Variants in KIAA1671 observed in about 807,000 individuals in gnomAD.
KIAA1671 encodes uncharacterized protein KIAA1671.
A neutral mutation model predicts 131.2 loss-of-function variants in KIAA1671; 52 were observed. The ratio of observed to expected loss-of-function variants is 0.40; its 90% confidence interval spans 0.32 to 0.50. KIAA1671 has a LOEUF of 0.50. Among genes scored for constraint, KIAA1671 ranks in the 20% least tolerant of loss-of-function variants. The pLI is 0.73. For synonymous variants in KIAA1671, 1,003 were observed against 961.6 expected (o/e 1.04, Z -0.80); for missense variants, 2,360 against 2,364.2 (o/e 1.00, Z 0.04).
rs560360143 is a variant in KIAA1671, at chr22:25,153,443, G to T, written c.4531-17377G>T. Among the ~76,000 whole-genome samples, 8 of 152,338 alleles carry T rather than the reference G, an allele frequency of 5.3e-5. No homozygotes were observed. The South Asian group carries it at 1.7e-3, about 32-fold the overall frequency. On this transcript the variant is annotated intron_variant, in intron 6 of 12. Coordinates refer to ENST00000358431, the MANE Select transcript of KIAA1671 (RefSeq NM_001145206.2). ...ACGGCCCCCACCACATGTCCGTAGT[G>T]CCATGGTTGGGAAACCCCATCCTAG...
At chr22:24,989,600 A>G (rs1569199799) in intron 1 of KIAA1671, among the ~76,000 whole-genome samples, 1 of 152,098 alleles carries the variant, frequency 6.6e-6, no homozygotes, top group Non-Finnish European at 1.5e-5. Flanking sequence ...GTCAGGGCTC[A>G]GGGGGGATGC....
chr22:24,990,404 G>C (rs1020956990), intron 1 of KIAA1671, among the ~76,000 whole-genome samples: 1 of 152,126 alleles, frequency 6.6e-6, no homozygotes, highest in African/African-American at 2.4e-5. Context: ...TTACTGTCAT[G>C]TGTGTTCCTC....
intron 6 of KIAA1671, among the ~76,000 whole-genome samples, chr22:25,141,936 T>C (rs972842161): frequency 1.3e-5 from 2 of 152,230 alleles, no homozygotes; most frequent in African/African-American, 2.4e-5. Context: ...TGTCTGTCCA[T>C]GTCTCAAGTT....
chr22:24,953,024 G>A (rs1046025732), intron 1 of KIAA1671, among the ~76,000 whole-genome samples: 1 of 152,212 alleles, frequency 6.6e-6, no homozygotes, highest in Non-Finnish European at 1.5e-5. Context: ...AGACTTGAGA[G>A]TGGATCCCGC....
chr22:24,978,285 G>A (rs576539267), intron 1 of KIAA1671, among the ~76,000 whole-genome samples: 3 of 152,134 alleles, frequency 2.0e-5, no homozygotes, highest in African/African-American at 4.8e-5. Context: ...GTTTTATCAG[G>A]TGTTTCTGCT....
At chr22:25,001,705 C>T (rs1464351619) in intron 1 of KIAA1671, among the ~76,000 whole-genome samples, 3 of 152,130 alleles carry the variant, frequency 2.0e-5, no homozygotes, top group Non-Finnish European at 2.9e-5. Flanking sequence ...TGCTAACTCA[C>T]GAGTCCCTGG....
intron 1 of KIAA1671, among the ~76,000 whole-genome samples, chr22:24,997,524 AG>A (rs1161307084): frequency 2.6e-5 from 4 of 152,098 alleles, no homozygotes; most frequent in Non-Finnish European, 5.9e-5. Context: ...TGGGAGGGAA[AG>A]GGTGCTGGTA....
At position 25,048,490 on chromosome 22, in the gene KIAA1671, G is replaced by T. The variant is rs1460315444; in HGVS notation, c.4396-740G>T. 1.2e-4 allele frequency among the ~76,000 whole-genome samples: 19 copies of T among 152,312 alleles called. No homozygotes were observed. The South Asian group carries it at 3.1e-3, about 25-fold the overall frequency. On this transcript the variant is annotated intron_variant, in intron 5 of 12. Coordinates refer to ENST00000358431, the MANE Select transcript of KIAA1671 (RefSeq NM_001145206.2). ...AAAGAGGCTGTGAGGGAAGGGATTA[G>T]AAATCCAGTCTTCCTCTTCCTGGTG...
chr22:24,963,446 C>G (rs6004370), intron 1 of KIAA1671, among the ~76,000 whole-genome samples: 7,930 of 149,998 alleles, frequency 0.053, 663 homozygotes, highest in African/African-American at 0.17. Flanking sequence ...CTGGGTGTCA[C>G]GGGTGGGTTT....
At chr22:25,081,186 C>G (rs1929388612) in intron 6 of KIAA1671, among the ~76,000 whole-genome samples, 1 of 152,088 alleles carries the variant, frequency 6.6e-6, no homozygotes, top group Non-Finnish European at 1.5e-5. Flanking sequence ...AACTATTTGC[C>G]CTCTCTGGGA....
chr22:25,021,450 T>G (rs1200052419), intron 1 of KIAA1671, among the ~76,000 whole-genome samples: 3 of 151,538 alleles, frequency 2.0e-5, no homozygotes, highest in African/African-American at 4.9e-5. Context: ...TGTAACATTC[T>G]GGAGCTTGTC....
intron 1 of KIAA1671, among the ~76,000 whole-genome samples, chr22:24,974,368 C>G (rs1922800306): frequency 6.6e-6 from 1 of 151,982 alleles, no homozygotes; most frequent in Non-Finnish European, 1.5e-5. Context: ...TGTGTTAGGT[C>G]CTTTAGTTCT....
chr22:25,124,372 GA>G (rs1932084567), intron 6 of KIAA1671, among the ~76,000 whole-genome samples: 1 of 152,202 alleles, frequency 6.6e-6, no homozygotes, highest in Admixed American at 6.5e-5. Flanking sequence ...TTATTACTAA[GA>G]ATTAAAAATT....
intron 6 of KIAA1671, among the ~76,000 whole-genome samples, chr22:25,113,738 C>T (rs1304479810): frequency 1.3e-5 from 2 of 152,242 alleles, no homozygotes. Flanking sequence ...GTCTGTGCTT[C>T]TTTGTGGCCC....
chr22:25,034,802 A>G (rs1364431942), intron 4 of KIAA1671, among the ~76,000 whole-genome samples: 2 of 151,874 alleles, frequency 1.3e-5, no homozygotes, highest in African/African-American at 4.8e-5. Flanking sequence ...CAATGGCGCG[A>G]TCTCGGCTCA....
intron 6 of KIAA1671, among the ~76,000 whole-genome samples, chr22:25,087,570 G>A (rs1024936321): frequency 6.6e-6 from 1 of 152,258 alleles, no homozygotes; most frequent in East Asian, 1.9e-4. Flanking sequence ...TAGACAGAGC[G>A]AGACTCCTCC....
At chr22:25,166,775 T>C (rs898900569) in intron 6 of KIAA1671, among the ~76,000 whole-genome samples, 4 of 152,206 alleles carry the variant, frequency 2.6e-5, no homozygotes, top group African/African-American at 9.7e-5. Flanking sequence ...GTGGGGTCAC[T>C]TAGCCAGGCC....
chr22:25,033,944 T>C (rs1024032075), intron 4 of KIAA1671, among the ~76,000 whole-genome samples: 1 of 151,966 alleles, frequency 6.6e-6, no homozygotes, highest in Non-Finnish European at 1.5e-5. Context: ...ATTTAACACA[T>C]TCAACTTGGT....
chr22:25,097,151 T>A (rs929916359), intron 6 of KIAA1671, among the ~76,000 whole-genome samples: 1 of 152,194 alleles, frequency 6.6e-6, no homozygotes, highest in Non-Finnish European at 1.5e-5. Context: ...GACGGCCTTA[T>A]CATATGGTAA....
Sources: gnomAD v4.1 joint callset for allele counts (sites outside exome capture counted in the v4.1 genomes callset) on GRCh38, gnomAD v4.1.1 for gene constraint, MANE v1.5 for transcripts, NCBI Gene and HGNC (gene_info 2026-07-23, HGNC 2026-07-21) for gene names.